The following SLC9C2 variants were observed in gnomAD, a reference collection of about 807,000 sequenced individuals.
The protein encoded by SLC9C2 is sodium/hydrogen exchanger 11.
SLC9C2 carries 75 observed loss-of-function variants against 140.2 expected under a neutral mutation model. That is an observed-to-expected ratio of 0.53 (90% CI 0.44 to 0.65). The LOEUF is 0.65. Ranked by LOEUF, SLC9C2 falls within the 30% of genes least tolerant of loss-of-function variation. The pLI is 0.00. For missense variants in SLC9C2, 1,074 were observed against 1,331.8 expected, an observed-to-expected ratio of 0.81 and a Z score of 3.01; for synonymous variants, 375 against 420.9, an observed-to-expected ratio of 0.89 and a Z score of 1.34.
intron 4 of SLC9C2, among the ~76,000 whole-genome samples, chr1:173,588,412 T>A (rs1665979302): frequency 6.6e-6 from 1 of 152,146 alleles, no homozygotes; most frequent in South Asian, 2.1e-4. Context: ...GGAAAAAAAA[T>A]AGTTGTGTTA....
chr1:173,548,394 TGTATTCGATCCTC>T lies in SLC9C2; in HGVS notation c.1443_1455del (p.Arg482PhefsTer11). 1 of 1,611,906 alleles carries T rather than the reference TGTATTCGATCCTC, an allele frequency of 6.2e-7. No individual in the cohort carries two copies. The highest frequency in any genetic ancestry group is 8.5e-7 in the Non-Finnish European group (1 of 1,179,148). On this transcript the variant is annotated frameshift_variant, in exon 12 of 28. Transcript: ENST00000367714. LOFTEE classifies it high-confidence loss of function. ...TTTGCCAGGTATCAACTCACAGGAA[TGTATTCGATCCTC>T]GTTTTATCTTCTACTAAGGTCCAGT...
At chr1:173,577,597 G>A (rs938496733) in intron 7 of SLC9C2, among the ~76,000 whole-genome samples, 1 of 152,108 alleles carries the variant, frequency 6.6e-6, no homozygotes, top group African/African-American at 2.4e-5. Flanking sequence ...AAGCAGAGCT[G>A]GTTGCTTTTG....
At chr1:173,587,628 A>G (rs557210026) in intron 5 of SLC9C2, 37 bp downstream of exon 5, 1 of 1,547,296 alleles carries the variant, frequency 6.5e-7, no homozygotes, top group East Asian at 2.3e-5. Context: ...GTACCCTTAT[A>G]TTTTCAAGAT....
intron 11 of SLC9C2, among the ~76,000 whole-genome samples, chr1:173,549,926 A>T (rs1164768822): frequency 6.6e-6 from 1 of 152,240 alleles, no homozygotes; most frequent in African/African-American, 2.4e-5. Flanking sequence ...CAAGAAAGGA[A>T]GCATGAGAGA....
intron 4 of SLC9C2, among the ~76,000 whole-genome samples, chr1:173,590,037 G>A (rs1311128521): frequency 6.6e-6 from 1 of 152,158 alleles, no homozygotes; most frequent in African/African-American, 2.4e-5. Flanking sequence ...GAGGTTAGGA[G>A]TTCCAGACCA....
intron 14 of SLC9C2, among the ~76,000 whole-genome samples, chr1:173,536,715 T>C (rs891800502): frequency 1.3e-5 from 2 of 152,038 alleles, no homozygotes; most frequent in African/African-American, 4.8e-5. Context: ...ACTCCCCTAA[T>C]GTCACCAAGG....
intron 24 of SLC9C2, among the ~76,000 whole-genome samples, chr1:173,508,325 C>T (rs1659796422): frequency 7.1e-6 from 1 of 141,604 alleles, no homozygotes; most frequent in Admixed American, 7.6e-5. Context: ...ATAATAAATA[C>T]AATTTTTTTA....
At chr1:173,521,258 A>T in intron 22 of SLC9C2, 43 bp downstream of exon 22, 2 of 1,102,962 alleles carry the variant, frequency 1.8e-6, no homozygotes, top group Non-Finnish European at 2.5e-6. Flanking sequence ...GTTTCAAAAT[A>T]CATTTTAAGT....
chr1:173,579,131 C>T (rs994659694), intron 7 of SLC9C2, among the ~76,000 whole-genome samples: 2 of 152,164 alleles, frequency 1.3e-5, no homozygotes, highest in African/African-American at 4.8e-5. Flanking sequence ...TACCTTCTAT[C>T]ATTCATCCAC....
intron 13 of SLC9C2, among the ~76,000 whole-genome samples, chr1:173,540,051 T>C (rs1228131703): frequency 6.6e-6 from 1 of 152,198 alleles, no homozygotes; most frequent in Non-Finnish European, 1.5e-5. Flanking sequence ...AAAAGTGACA[T>C]TGTTCAGGCT....
At chr1:173,521,220 T>G in intron 22 of SLC9C2, 81 bp downstream of exon 22, 4 of 814,542 alleles carry the variant, frequency 4.9e-6, no homozygotes, top group Non-Finnish European at 7.3e-6. Context: ...TTTCAGTATC[T>G]AAATTTATTC....
Position 173,529,902 on chromosome 1 carries a change from C to T in SLC9C2, c.2313+3G>A, listed in dbSNP as rs1661454622. ...CCCCAAATGACCAGTGCTTGTTTCT[C>T]ACCTGATATATTGATTCACAGACAG... On this transcript the variant is annotated splice_donor_region_variant and intron_variant, in intron 18 of 27. Coordinates refer to ENST00000367714, the MANE Select transcript of SLC9C2 (RefSeq NM_178527.4). 1 of 1,604,874 alleles carries T rather than the reference C, an allele frequency of 6.2e-7. No individual in the cohort carries two copies. Among genetic ancestry groups the T allele is most frequent in the African/African-American group, 1.3e-5 (1 of 74,304 alleles).
intron 23 of SLC9C2, among the ~76,000 whole-genome samples, chr1:173,514,735 C>T (rs1306737129): frequency 6.6e-6 from 1 of 152,150 alleles, no homozygotes; most frequent in Non-Finnish European, 1.5e-5. Context: ...GATGCAGTTT[C>T]TTCATAGTGC....
chr1:173,601,538 T>C, intron 2 of SLC9C2, 112 bp downstream of exon 2: 1 of 1,199,942 alleles, frequency 8.3e-7, no homozygotes. Context: ...CACTCATGTC[T>C]TATCGTTTCA....
At chr1:173,507,318 T>A (rs1272095540) in intron 24 of SLC9C2, among the ~76,000 whole-genome samples, 1 of 149,414 alleles carries the variant, frequency 6.7e-6, no homozygotes, top group African/African-American at 2.6e-5. Flanking sequence ...ACTCAGGAGA[T>A]TTCTATTTGC....
At chr1:173,505,150 G>A (rs1659544188) in intron 26 of SLC9C2, 97 bp downstream of exon 26, 1 of 1,007,022 alleles carries the variant, frequency 9.9e-7, no homozygotes, top group East Asian at 2.6e-5. Flanking sequence ...AACCCACATA[G>A]TGCCCTCTCA....
At position 173,503,299 on chromosome 1, in the gene SLC9C2, G is replaced by T; in HGVS notation, c.3338C>A (p.Pro1113Gln). Residue 1113 changes from proline to glutamine, a missense_variant, in exon 27 of 28, where the codon CCA (proline) becomes CAA (glutamine). Pro to Gln is a moderately conservative substitution (Grantham distance 76). Coordinates refer to ENST00000367714, the MANE Select transcript of SLC9C2 (RefSeq NM_178527.4). Reference sequence around the variant, plus strand: ...TTGTCTTCCATTTATATTCTTTCCTGGTTGTTCAAAGACCGTGTTGACTGA... The same window carrying T: ...TTGTCTTCCATTTATATTCTTTCCTTGTTGTTCAAAGACCGTGTTGACTGA... ...MASVNTVFEQ[P>Q]GKNINGRQKM... The T allele has an allele frequency of 6.2e-7, 1 of 1,613,598 alleles. No individual in the cohort carries two copies. The highest frequency in any genetic ancestry group is 8.5e-7 in the Non-Finnish European group (1 of 1,179,796).
intron 13 of SLC9C2, among the ~76,000 whole-genome samples, chr1:173,542,010 A>G (rs1359397700): frequency 1.3e-5 from 2 of 152,206 alleles, no homozygotes; most frequent in Non-Finnish European, 2.9e-5. Flanking sequence ...AACTAAGATC[A>G]GAGCAGAACT....
intron 9 of SLC9C2, among the ~76,000 whole-genome samples, chr1:173,566,353 TCATTA>T (rs1664474854): frequency 6.6e-6 from 1 of 152,146 alleles, no homozygotes; most frequent in South Asian, 2.1e-4. Context: ...AGTTTTGATC[TCATTA>T]CTTGTTATTG....
Sources: allele counts gnomAD v4.1 joint callset (sites outside exome capture counted in the v4.1 genomes callset), GRCh38; gene constraint gnomAD v4.1.1; transcripts MANE v1.5; gene names NCBI Gene and HGNC (gene_info 2026-07-23, HGNC 2026-07-21).